OSBPL1A: variants seen among roughly 807,000 people sequenced by gnomAD.
The protein encoded by OSBPL1A is oxysterol-binding protein-related protein 1.
A neutral mutation model predicts 137.1 loss-of-function variants in OSBPL1A; 80 were observed. The ratio of observed to expected loss-of-function variants is 0.58; its 90% CI spans 0.49 to 0.70. OSBPL1A has a LOEUF of 0.70. Ranked by LOEUF, OSBPL1A falls within the 30% of genes least tolerant of loss-of-function variation. The pLI is 0.00. For synonymous variants in OSBPL1A, 365 were observed against 389.7 expected, an observed-to-expected ratio of 0.94 and a Z score of 0.75; for missense variants, 970 against 1,129.4, an observed-to-expected ratio of 0.86 and a Z score of 2.02.
intron 13 of OSBPL1A, among the ~76,000 whole-genome samples, chr18:24,306,584 T>G (rs374791390): frequency 6.6e-6 from 1 of 152,280 alleles, no homozygotes; most frequent in East Asian, 1.9e-4. Context: ...ACAGGAAAAC[T>G]GATCATGCTT....
chr18:24,264,510 T>C (rs969843228), intron 15 of OSBPL1A, among the ~76,000 whole-genome samples: 1 of 152,158 alleles, frequency 6.6e-6, no homozygotes, highest in African/African-American at 2.4e-5. Flanking sequence ...ACAGGCCAGT[T>C]TAACATTAAG....
At chr18:24,267,115 G>A (rs2146050396) in intron 15 of OSBPL1A, among the ~76,000 whole-genome samples, 2 of 147,206 alleles carry the variant, frequency 1.4e-5, no homozygotes, top group African/African-American at 2.5e-5. Flanking sequence ...AATGGAAAAA[G>A]TTTAGGAAAG....
intron 7 of OSBPL1A, among the ~76,000 whole-genome samples, chr18:24,319,177 A>T (rs190001557): frequency 6.6e-6 from 1 of 152,286 alleles, no homozygotes; most frequent in East Asian, 1.9e-4. Context: ...TCTAAGGGAG[A>T]CATTTCCTTG....
chr18:24,394,556 T>G (rs755021738), intron 1 of OSBPL1A, among the ~76,000 whole-genome samples: 4 of 152,180 alleles, frequency 2.6e-5, no homozygotes, highest in Non-Finnish European at 5.9e-5. Flanking sequence ...CAAATCAAGT[T>G]TAGTAATAAA....
At chr18:24,232,917 T>C (rs777324168) in intron 16 of OSBPL1A, among the ~76,000 whole-genome samples, 3 of 152,226 alleles carry the variant, frequency 2.0e-5, no homozygotes, top group Non-Finnish European at 2.9e-5. Flanking sequence ...TTTCATGATA[T>C]AACTATCTAT....
intron 15 of OSBPL1A, among the ~76,000 whole-genome samples, chr18:24,257,492 G>T: frequency 6.6e-6 from 1 of 152,064 alleles, no homozygotes; most frequent in Non-Finnish European, 1.5e-5. Flanking sequence ...GATGGATTAA[G>T]GACTTAAATC....
chr18:24,322,384 G>A (rs1256066007), intron 7 of OSBPL1A, among the ~76,000 whole-genome samples: 2 of 151,954 alleles, frequency 1.3e-5, no homozygotes, highest in Non-Finnish European at 2.9e-5. Context: ...GCCTCCCAAA[G>A]TGTTGGGATT....
chr18:24,287,123 C>T (rs1029619567), intron 14 of OSBPL1A, among the ~76,000 whole-genome samples: 2 of 152,172 alleles, frequency 1.3e-5, no homozygotes, highest in African/African-American at 2.4e-5. Flanking sequence ...GTGTTTTGTA[C>T]TCTCTTGCAA....
At chr18:24,248,015 T>A (rs1217282196) in intron 15 of OSBPL1A, among the ~76,000 whole-genome samples, 1 of 152,114 alleles carries the variant, frequency 6.6e-6, no homozygotes, top group Non-Finnish European at 1.5e-5. Context: ...TGGAATAATG[T>A]TCTTGACTTT....
chr18:24,200,532 A>T (rs2145951942), intron 17 of OSBPL1A, among the ~76,000 whole-genome samples: 1 of 150,608 alleles, frequency 6.6e-6, no homozygotes, highest in African/African-American at 2.4e-5. Context: ...ACTGCACTCC[A>T]GCCTGGGTGA....
At chr18:24,278,329 C>T (rs1398156510) in intron 15 of OSBPL1A, among the ~76,000 whole-genome samples, 1 of 152,166 alleles carries the variant, frequency 6.6e-6, no homozygotes, top group Non-Finnish European at 1.5e-5. Context: ...CACTGTTACA[C>T]ACATAAAAGC....
intron 16 of OSBPL1A, among the ~76,000 whole-genome samples, chr18:24,237,086 TA>T (rs147413513): frequency 0.26 from 39,757 of 150,356 alleles, 6,421 homozygotes; most frequent in Middle Eastern, 0.37. Flanking sequence ...ATTCATGACT[TA>T]AAAAAAAAAT....
At chr18:24,380,671 G>A (rs528422081) in intron 1 of OSBPL1A, among the ~76,000 whole-genome samples, 2 of 152,346 alleles carry the variant, frequency 1.3e-5, no homozygotes, top group African/African-American at 4.8e-5. Flanking sequence ...GCTCTTACAG[G>A]CTGGGAGCGG....
At chr18:24,175,466 G>A (rs1464266473) in intron 21 of OSBPL1A, among the ~76,000 whole-genome samples, 1 of 152,128 alleles carries the variant, frequency 6.6e-6, no homozygotes, top group Non-Finnish European at 1.5e-5. Flanking sequence ...GGGATTACAG[G>A]CATGAGTCAC....
At chr18:24,252,586 C>A (rs1211335361) in intron 15 of OSBPL1A, among the ~76,000 whole-genome samples, 1 of 151,912 alleles carries the variant, frequency 6.6e-6, no homozygotes, top group Non-Finnish European at 1.5e-5. Flanking sequence ...GAGAGGAGGT[C>A]TTTAATCTGA....
intron 17 of OSBPL1A, among the ~76,000 whole-genome samples, chr18:24,208,804 C>G (rs2087446465): frequency 6.6e-6 from 1 of 152,138 alleles, no homozygotes; most frequent in Non-Finnish European, 1.5e-5. Flanking sequence ...CAATGAGAAA[C>G]AATTATTCCA....
chr18:24,239,270 G>C lies in OSBPL1A; in HGVS notation c.1394C>G (p.Ser465Cys), dbSNP rs1183625877. ...HELEQSLVKG[S>C]PPASILSEDE... ...CTCGCTAAGGATGCTGGCGGGTGGA[G>C]AGCCTTTCACCAGAGACTGCTCTAA... is the stretch of plus-strand genomic sequence containing the variant. Residue 465 changes from serine to cysteine, a missense_variant, in exon 16 of 28, where the codon TCT becomes TGT. Transcript: ENST00000319481. 4.3e-6 allele frequency: 7 copies of C among 1,614,018 alleles called. No homozygotes were observed. In the Admixed American group the frequency reaches 1.2e-4, roughly 27 times the overall value.
chr18:24,351,210 G>T (rs1298920111), intron 4 of OSBPL1A, among the ~76,000 whole-genome samples: 1 of 151,774 alleles, frequency 6.6e-6, no homozygotes, highest in African/African-American at 2.4e-5. Flanking sequence ...TGAGCTGGGT[G>T]TGGTGACACA....
chr18:24,322,985 G>A (rs920679805), intron 7 of OSBPL1A, among the ~76,000 whole-genome samples: 1 of 152,082 alleles, frequency 6.6e-6, no homozygotes, highest in Non-Finnish European at 1.5e-5. Context: ...CCCTTAATGG[G>A]AAAATTTAAT....
Sources: gnomAD v4.1 joint callset for allele counts (sites outside exome capture counted in the v4.1 genomes callset) on GRCh38, gnomAD v4.1.1 for gene constraint, MANE v1.5 for transcripts, NCBI Gene and HGNC (gene_info 2026-07-23, HGNC 2026-07-21) for gene names.